TSHZ2: variants seen among roughly 807,000 people sequenced by gnomAD.
TSHZ2 encodes the protein teashirt zinc finger homeobox 2.
A neutral mutation model predicts 74.4 loss-of-function variants in TSHZ2; 21 were observed. The ratio of observed to expected loss-of-function variants is 0.28; its 90% CI spans 0.20 to 0.41. The LOEUF (loss-of-function observed/expected upper bound fraction) is 0.41, where lower values mean the gene tolerates loss of function less well. Ranked by LOEUF, TSHZ2 falls within the 10% of genes least tolerant of loss-of-function variation. The pLI is 1.00. For synonymous variants in TSHZ2, 540 were observed against 515.3 expected (o/e 1.05, Z -0.65); for missense variants, 1,244 against 1,293.5 (o/e 0.96, Z 0.59).
chr20:53,050,942 T>C (rs1402493710), intron 1 of TSHZ2, among the ~76,000 whole-genome samples: 1 of 152,240 alleles, frequency 6.6e-6, no homozygotes, highest in Non-Finnish European at 1.5e-5. Flanking sequence ...TTTACTATCT[T>C]TACTCTAGAA....
intron 1 of TSHZ2, among the ~76,000 whole-genome samples, chr20:52,986,467 C>T (rs762756766): frequency 1.3e-5 from 2 of 149,484 alleles, no homozygotes. Flanking sequence ...TGGTGGCTCA[C>T]GCCTGTAATC....
chr20:53,453,696 C>G (rs368414039), intron 2 of TSHZ2, among the ~76,000 whole-genome samples: 1 of 152,214 alleles, frequency 6.6e-6, no homozygotes. Flanking sequence ...ATCCTTCATA[C>G]AAACATTTCT....
chr20:53,113,970 T>G (rs910572077), intron 1 of TSHZ2, among the ~76,000 whole-genome samples: 3 of 151,984 alleles, frequency 2.0e-5, no homozygotes, highest in African/African-American at 4.8e-5. Flanking sequence ...GCACATACCT[T>G]ATAATCTCAG....
At chr20:53,007,145 G>A (rs913398416) in intron 1 of TSHZ2, among the ~76,000 whole-genome samples, 12 of 152,162 alleles carry the variant, frequency 7.9e-5, no homozygotes, top group Admixed American at 2.6e-4. Flanking sequence ...TCCCTGAGGA[G>A]GTGGCATTGA....
At chr20:53,052,968 G>A (rs552068303) in intron 1 of TSHZ2, among the ~76,000 whole-genome samples, 6 of 152,170 alleles carry the variant, frequency 3.9e-5, no homozygotes, top group African/African-American at 1.4e-4. Flanking sequence ...AACCGTCGTC[G>A]CGGTATCTAA....
At chr20:53,386,989 G>A (rs1176449861) in intron 2 of TSHZ2, among the ~76,000 whole-genome samples, 2 of 151,758 alleles carry the variant, frequency 1.3e-5, no homozygotes, top group East Asian at 3.9e-4. Flanking sequence ...TGTGTGAATA[G>A]CCCGTGGTGT....
intron 1 of TSHZ2, among the ~76,000 whole-genome samples, chr20:53,208,109 C>T (rs1989216326): frequency 6.6e-6 from 1 of 152,184 alleles, no homozygotes; most frequent in African/African-American, 2.4e-5. Context: ...CATGACAGTT[C>T]TACCACCATT....
intron 1 of TSHZ2, among the ~76,000 whole-genome samples, chr20:53,180,609 G>A (rs1988444361): frequency 6.6e-6 from 1 of 152,130 alleles, no homozygotes; most frequent in South Asian, 2.1e-4. Flanking sequence ...TCATGTAGGA[G>A]GGGCCACAAC....
In TSHZ2 at chr20:53,371,888, AG is replaced by A. The variant is rs1297069786; in HGVS notation, c.*9-115255del. 1.1e-3 allele frequency among the ~76,000 whole-genome samples: 139 copies of A among 125,558 alleles called. 3 individuals are homozygous for A. Among genetic ancestry groups the A allele is most frequent in the African/African-American group, 6.8e-3 (129 of 18,904 alleles). 82.4% of individuals were successfully genotyped at this position (125,558 alleles called of 152,430 possible). On this transcript the variant is annotated intron_variant, in intron 2 of 2. Transcript: ENST00000371497. ...AGACTCCGTCTCAAAAAAAAAAAAAAGAAAAAAAAAAGAGTCAGCAGGACAT... is the reference window on the plus strand; with the variant it reads ...AGACTCCGTCTCAAAAAAAAAAAAAAAAAAAAAAAAGAGTCAGCAGGACAT...
At chr20:53,348,797 A>G (rs1218617272) in intron 2 of TSHZ2, among the ~76,000 whole-genome samples, 1 of 152,196 alleles carries the variant, frequency 6.6e-6, no homozygotes, top group African/African-American at 2.4e-5. Flanking sequence ...TCCATAGTAA[A>G]TAGATATTTT....
At chr20:53,144,785 CTCAAGATTCA>C (rs1255465469) in intron 1 of TSHZ2, among the ~76,000 whole-genome samples, 1 of 151,774 alleles carries the variant, frequency 6.6e-6, no homozygotes, top group Non-Finnish European at 1.5e-5. Context: ...AACACACTGA[CTCAAGATTCA>C]TGCCACTAAA....
intron 2 of TSHZ2, among the ~76,000 whole-genome samples, chr20:53,336,188 G>A (rs1328103377): frequency 6.6e-6 from 1 of 152,182 alleles, no homozygotes; most frequent in Non-Finnish European, 1.5e-5. Context: ...CTTTGTTACA[G>A]GGTGGCTGAG....
At chr20:53,458,409 C>G (rs1488396829) in intron 2 of TSHZ2, among the ~76,000 whole-genome samples, 2 of 152,142 alleles carry the variant, frequency 1.3e-5, no homozygotes, top group East Asian at 1.9e-4. Flanking sequence ...GGTGATATCC[C>G]CTTTGTCATT....
intron 2 of TSHZ2, among the ~76,000 whole-genome samples, chr20:53,260,303 A>G (rs1373793283): frequency 6.6e-6 from 1 of 152,230 alleles, no homozygotes; most frequent in East Asian, 1.9e-4. Flanking sequence ...TGATTCACTC[A>G]TGATAGGGAA....
At chr20:53,346,025 C>A (rs750287934) in intron 2 of TSHZ2, among the ~76,000 whole-genome samples, 5 of 152,174 alleles carry the variant, frequency 3.3e-5, no homozygotes, top group Non-Finnish European at 5.9e-5. Flanking sequence ...GAATCCTTTG[C>A]AGAAAAAGTC....
intron 1 of TSHZ2, among the ~76,000 whole-genome samples, chr20:52,997,597 G>C (rs1982253715): frequency 6.6e-6 from 1 of 151,834 alleles, no homozygotes; most frequent in Non-Finnish European, 1.5e-5. Flanking sequence ...TGCCTGGGCT[G>C]TCCTCTCCCC....
rs1359235761 is a variant in TSHZ2 at position 53,487,153 on chromosome 20, C to T, written c.*18C>T. On this transcript the variant is annotated 3_prime_UTR_variant, in exon 3 of 3. Coordinates refer to ENST00000371497, the MANE Select transcript of TSHZ2 (RefSeq NM_173485.6). ...CTGATTCCCATTACAGGACGAATGC[C>T]TTAGTTTCCACTTTCCAGCCTGGAT... The T allele has an allele frequency of 2.0e-5, 3 of 152,496 alleles. No homozygotes were observed. The Admixed American group carries it at 2.0e-4, about 10-fold the overall frequency. The allele number at this position is 152,496 out of a possible 1,614,324, so 9.4% of individuals were successfully genotyped here.
chr20:53,472,471 G>A (rs1478040597), intron 2 of TSHZ2, among the ~76,000 whole-genome samples: 2 of 152,180 alleles, frequency 1.3e-5, no homozygotes, highest in Non-Finnish European at 2.9e-5. Flanking sequence ...AGGATTGGGG[G>A]TGCAAGCACC....
chr20:53,360,163 G>T (rs1980997239), intron 2 of TSHZ2, among the ~76,000 whole-genome samples: 1 of 152,196 alleles, frequency 6.6e-6, no homozygotes, highest in African/African-American at 2.4e-5. Flanking sequence ...ATTTCCAAGT[G>T]AAGGGGGAAA....
Sources: gnomAD v4.1 joint callset for allele counts (sites outside exome capture counted in the v4.1 genomes callset) on GRCh38, gnomAD v4.1.1 for gene constraint, MANE v1.5 for transcripts, NCBI Gene and HGNC (gene_info 2026-07-23, HGNC 2026-07-21) for gene names.